The following PUS1 variants were observed in gnomAD, a reference collection of about 807,000 sequenced individuals.
PUS1 encodes the protein pseudouridine synthase 1, also known as pseudouridylate synthase 1 homolog.
PUS1 carries 25 observed loss-of-function variants against 38.5 expected under a neutral mutation model. The observed-to-expected ratio is 0.65, with a 90% confidence interval of 0.47 to 0.91. The LOEUF (loss-of-function observed/expected upper bound fraction) is 0.91, where lower values mean the gene tolerates loss of function less well. Among genes scored for constraint, PUS1 ranks in the 40% least tolerant of loss-of-function variants. The pLI, the probability that PUS1 is intolerant of heterozygous loss-of-function variation, is 0.00. For missense variants in PUS1, 597 were observed against 612.3 expected (o/e 0.97, Z 0.26); for synonymous variants, 282 against 260.4 (o/e 1.08, Z -0.80).
intron 3 of PUS1, among the ~76,000 whole-genome samples, chr12:131,938,939 T>C (rs893252217): frequency 3.9e-5 from 6 of 152,140 alleles, no homozygotes; most frequent in Non-Finnish European, 8.8e-5. Context: ...GAGACTAACA[T>C]TTCATGTTAG....
chr12:131,941,839 G>A lies in PUS1; in HGVS notation c.1092G>A (p.Lys364=), dbSNP rs1891088947. ...TGGACTGGGCGCAGGAGGAAGGAAA[G>A]GTCGCAGCCTTCAAGGAGGAGCACA... is the stretch of plus-strand genomic sequence containing the variant. The part of the protein sequence containing the change: ...EPLDWAQEEG[K]VAAFKEEHIY... Residue 364 remains lysine (K), a synonymous_variant, in exon 5 of 6, where the codon AAG becomes AAA. Transcript: ENST00000376649. The surrounding 1 kb of genome is among the most constrained non-coding windows in gnomAD (Gnocchi z 4.4). The A allele has an allele frequency of 1.2e-6, 2 of 1,614,052 alleles. No individual in the cohort carries two copies. The highest frequency in any genetic ancestry group is 1.7e-6 in the Non-Finnish European group (2 of 1,180,030).
chr12:131,937,504 A>T (rs935118288), intron 3 of PUS1, among the ~76,000 whole-genome samples: 2 of 152,110 alleles, frequency 1.3e-5, no homozygotes, highest in Non-Finnish European at 2.9e-5. Flanking sequence ...CCTCCCGAGT[A>T]GCTGGGATTA....
chr12:131,929,774 C>T lies in PUS1; in HGVS notation c.52C>T (p.Arg18Cys). The T allele has an allele frequency of 6.3e-7, 1 of 1,590,396 alleles. No individual in the cohort carries two copies. The highest frequency in any genetic ancestry group is 8.5e-7 in the Non-Finnish European group (1 of 1,176,328). ...LLGAFGRWTL[R>C]LGPRPSCSPR... is the part of the protein sequence containing the mutation. Reference sequence around the variant, plus strand: ...GGGAGCCTTCGGACGGTGGACCCTGCGCCTGGGACCGCGTCCGTCCTGGTA... The same window carrying T: ...GGGAGCCTTCGGACGGTGGACCCTGTGCCTGGGACCGCGTCCGTCCTGGTA... Residue 18 changes from arginine (R) to cysteine (C), a missense_variant, in exon 1 of 6, where the codon CGC becomes TGC. By Grantham distance (180) the Arg-to-Cys change is radical. Coordinates refer to ENST00000376649, the MANE Select transcript of PUS1 (RefSeq NM_025215.6).
intron 5 of PUS1, among the ~76,000 whole-genome samples, chr12:131,942,623 G>T (rs1234032191): frequency 2.0e-5 from 3 of 152,136 alleles, no homozygotes; most frequent in East Asian, 3.9e-4. Flanking sequence ...AGCCAGGATG[G>T]TCTTGATCTC....
intron 2 of PUS1, chr12:131,931,861 TTAAAG>T (rs1296983860): frequency 5.1e-6 from 3 of 587,912 alleles, no homozygotes; most frequent in Non-Finnish European, 9.1e-6. Flanking sequence ...TGTTTTTTTT[TTAAAG>T]TATAGGTAGC....
chr12:131,930,430 G>C (rs1438492265), intron 2 of PUS1, among the ~76,000 whole-genome samples: 1 of 152,240 alleles, frequency 6.6e-6, no homozygotes, highest in Non-Finnish European at 1.5e-5. Context: ...CACCTGCTAA[G>C]TAGAGTGTGA....
chr12:131,930,158 A>G, intron 2 of PUS1, 23 bp downstream of exon 2: 1 of 1,407,412 alleles, frequency 7.1e-7, no homozygotes, highest in Non-Finnish European at 9.3e-7. Flanking sequence ...GGGAAGCGGC[A>G]GGTCCCGCGG....
chr12:131,943,445 C>T lies in PUS1; in HGVS notation c.1237-94C>T, dbSNP rs1196265298. 1.1e-5 allele frequency: 11 copies of T among 1,005,518 alleles called. No homozygotes were observed. In the African/African-American group the frequency reaches 1.7e-4, roughly 16 times the overall value. The allele number at this position is 1,005,518 out of a possible 1,614,324, so 62.3% of individuals were successfully genotyped here. A position where few individuals can be genotyped will look rare whatever the true frequency, so the allele number is the denominator to read the frequency against. On this transcript the variant is annotated intron_variant, in intron 5 of 5. Transcript: ENST00000376649. ...TGATGAGGGAGTGGTGGGGGCAAGG[C>T]TCCTGTGCCAAGCCTGTCATGGGCC...
Position 131,941,402 on chromosome 12 carries a change from G to A in PUS1, c.655G>A (p.Asp219Asn). 1 of 1,614,236 alleles carries A rather than the reference G, an allele frequency of 6.2e-7. No homozygotes were observed. Among genetic ancestry groups the A allele is most frequent in the East Asian group, 2.2e-5 (1 of 44,892 alleles). The change falls in exon 5 of 6, where the codon GAT becomes AAT. Residue 219 changes from aspartate to asparagine, a missense_variant. Coordinates refer to ENST00000376649, the MANE Select transcript of PUS1 (RefSeq NM_025215.6). The surrounding 1 kb of genome is among the most constrained non-coding windows in gnomAD (Gnocchi z 4.4). ...TGCGCACAAGGACCGGGACGTTCAG[G>A]ATGAGACCTACCGCCTGAGCGCCGA... ...AFAHKDRDVQ[D>N]ETYRLSAETL...
At chr12:131,931,831 A>C in intron 2 of PUS1, 7 of 474,118 alleles carry the variant, frequency 1.5e-5, no homozygotes, top group East Asian at 1.1e-4. Flanking sequence ...GCACCTGGCC[A>C]TAGATTACTT....
At chr12:131,931,127 A>G (rs1175278340) in intron 2 of PUS1, among the ~76,000 whole-genome samples, 2 of 152,198 alleles carry the variant, frequency 1.3e-5, no homozygotes, top group Admixed American at 6.5e-5. Context: ...GGCAGTTGTT[A>G]TAACAGCTTT....
intron 5 of PUS1, among the ~76,000 whole-genome samples, chr12:131,942,470 G>C (rs998694395): frequency 6.6e-6 from 1 of 151,986 alleles, no homozygotes; most frequent in Non-Finnish European, 1.5e-5. Flanking sequence ...GCAGTGGCGC[G>C]ATCTCGGCTC....
At position 131,933,699 on chromosome 12, in the gene PUS1, C is replaced by T. The variant is rs577148760; in HGVS notation, c.441+1387C>T. Among the ~76,000 whole-genome samples the T allele has an allele frequency of 7.9e-5, 12 of 152,294 alleles. No homozygotes were observed. The East Asian group carries it at 1.7e-3, about 22-fold the overall frequency. On this transcript the variant is annotated intron_variant, in intron 3 of 5. Transcript: ENST00000376649. ...GGGATTGGGTGTGCACAGAGTGGCCCGCCACAGGGAATGGGGATGTCTCTA... is the reference window on the plus strand; with the variant it reads ...GGGATTGGGTGTGCACAGAGTGGCCTGCCACAGGGAATGGGGATGTCTCTA...
In PUS1 at chr12:131,929,810, C is replaced by T. The variant is rs372856101; in HGVS notation, c.74+14C>T. The T allele has an allele frequency of 4.0e-5, 63 of 1,571,404 alleles. No individual in the cohort carries two copies. The highest frequency in any genetic ancestry group is 5.3e-5 in the Non-Finnish European group (62 of 1,169,124). The stretch of plus-strand genomic sequence containing the variant: ...GCGTCCGTCCTGGTAATGACCGCGA[C>T]GCCGGGCGACCCCGCTATGCCCGCC... On this transcript the variant is annotated intron_variant, in intron 1 of 5. Coordinates refer to ENST00000376649, the MANE Select transcript of PUS1 (RefSeq NM_025215.6).
intron 1 of PUS1, 46 bp downstream of exon 1, chr12:131,929,842 AG>A: frequency 2.3e-6 from 1 of 444,230 alleles, no homozygotes; most frequent in Non-Finnish European, 3.7e-6. Flanking sequence ...CGCCCAGCCC[AG>A]CCCACCCCAG....
intron 4 of PUS1, 26 bp downstream of exon 4, chr12:131,939,301 C>A: frequency 7.1e-7 from 1 of 1,415,222 alleles, no homozygotes; most frequent in Non-Finnish European, 9.8e-7. Context: ...CAGGCGGCCA[C>A]ACACCTGGTT....
rs373663411 is a variant in PUS1 at position 131,941,665 on chromosome 12, G to A, written c.918G>A (p.Lys306=). 8.7e-6 allele frequency: 14 copies of A among 1,614,106 alleles called. No homozygotes were observed. The highest frequency in any genetic ancestry group is 2.7e-5 in the African/African-American group (2 of 74,926). The change falls in exon 5 of 6, where the codon AAG becomes AAA. Residue 306 remains lysine (K), a synonymous_variant. Coordinates refer to ENST00000376649, the MANE Select transcript of PUS1 (RefSeq NM_025215.6). This position sits in a 1 kb window ranked among gnomAD's most constrained non-coding sequence, Gnocchi z 4.4. The part of the protein sequence containing the change: ...KMVGLVVAIV[K]GYAPESVLER... ...TCGGCCTGGTGGTGGCCATTGTGAAGGGTTATGCCCCTGAGAGCGTGCTGG... is the reference window on the plus strand; with the variant it reads ...TCGGCCTGGTGGTGGCCATTGTGAAAGGTTATGCCCCTGAGAGCGTGCTGG...
At chr12:131,933,037 T>C (rs1890677109) in intron 3 of PUS1, among the ~76,000 whole-genome samples, 1 of 152,002 alleles carries the variant, frequency 6.6e-6, no homozygotes, top group Non-Finnish European at 1.5e-5. Flanking sequence ...ACTCACTCAC[T>C]ATCACGAGAA....
In PUS1 at chr12:131,941,079, A is replaced by G. The variant is rs1891039127; in HGVS notation, c.545-213A>G. ...AAATGGTTGTAAATTCAGTCACCTT[A>G]TAGAGCACTGCACCTGTCCCTCCTG... On this transcript the variant is annotated intron_variant, in intron 4 of 5. Coordinates refer to ENST00000376649, the MANE Select transcript of PUS1 (RefSeq NM_025215.6). This position sits in a 1 kb window ranked among gnomAD's most constrained non-coding sequence, Gnocchi z 4.4. 6.7e-6 allele frequency: 4 copies of G among 594,528 alleles called. No homozygotes were observed. The highest frequency in any genetic ancestry group is 3.7e-5 in the African/African-American group (2 of 53,986). 36.8% of individuals were successfully genotyped at this position (594,528 alleles called of 1,614,324 possible).
Sources: allele counts gnomAD v4.1 joint callset (sites outside exome capture counted in the v4.1 genomes callset), GRCh38; gene constraint gnomAD v4.1.1; non-coding constraint Gnocchi (gnomAD v3.1); transcripts MANE v1.5; gene names NCBI Gene and HGNC (gene_info 2026-07-23, HGNC 2026-07-21).